The following MFGE8 variants were observed in gnomAD, a reference collection of about 807,000 sequenced individuals.
MFGE8 encodes milk fat globule EGF and factor V/VIII domain containing.
A neutral mutation model predicts 42.6 loss-of-function variants in MFGE8; 34 were observed. The observed-to-expected ratio is 0.80, with a 90% CI of 0.61 to 1.06. MFGE8 has a LOEUF of 1.06. Ranked by LOEUF, MFGE8 falls within the 50% of genes least tolerant of loss-of-function variation. The pLI, the probability that MFGE8 is intolerant of heterozygous loss-of-function variation, is 0.00. For synonymous variants in MFGE8, 230 were observed against 214.8 expected (o/e 1.07, Z -0.62); for missense variants, 510 against 516.9 (o/e 0.99, Z 0.13).
At chr15:88,908,942 A>T (rs1024238696) in intron 2 of MFGE8, among the ~76,000 whole-genome samples, 2 of 151,040 alleles carry the variant, frequency 1.3e-5, no homozygotes, top group Non-Finnish European at 3.0e-5. Context: ...ACCCATCCCC[A>T]CATCTCCCTG....
At chr15:88,908,473 G>T (rs1008595716) in intron 2 of MFGE8, among the ~76,000 whole-genome samples, 2 of 152,170 alleles carry the variant, frequency 1.3e-5, no homozygotes, top group Non-Finnish European at 1.5e-5. Context: ...GTCCTTGTTG[G>T]CTCCAAGGAA....
intron 6 of MFGE8, among the ~76,000 whole-genome samples, chr15:88,900,110 T>C (rs769391573): frequency 1.3e-5 from 2 of 151,934 alleles, no homozygotes; most frequent in Non-Finnish European, 2.9e-5. Flanking sequence ...GGCATGATGG[T>C]GGCTGCCTGT....
chr15:88,906,437 A>C lies in MFGE8; in HGVS notation c.540+189T>G. ...CTAGTCTCATCTCTAAAGTGGGACT[A>C]TTGCTTATAAACCACAGAACATGGA... On this transcript the variant is annotated intron_variant, in intron 4 of 7. Coordinates refer to ENST00000268150, the MANE Select transcript of MFGE8 (RefSeq NM_005928.4). This position sits in a 1 kb window ranked among gnomAD's most constrained non-coding sequence, Gnocchi z 4.2. The C allele has an allele frequency of 1.5e-6, 1 of 664,178 alleles. No homozygotes were observed. The highest frequency in any genetic ancestry group is 2.7e-6 in the Non-Finnish European group (1 of 366,318). The allele number at this position is 664,178 out of a possible 1,614,324, so 41.1% of individuals were successfully genotyped here. A position where few individuals can be genotyped will look rare whatever the true frequency, so the allele number is the denominator to read the frequency against.
Position 88,906,432 on chromosome 15 carries a change from G to T in MFGE8, c.540+194C>A. On this transcript the variant is annotated intron_variant, in intron 4 of 7. Transcript: ENST00000268150. The surrounding 1 kb of genome is among the most constrained non-coding windows in gnomAD (Gnocchi z 4.2). ...TCTCACTAGTCTCATCTCTAAAGTGGGACTATTGCTTATAAACCACAGAAC... is the reference window on the plus strand; with the variant it reads ...TCTCACTAGTCTCATCTCTAAAGTGTGACTATTGCTTATAAACCACAGAAC... The T allele has an allele frequency of 1.5e-6, 1 of 648,492 alleles. No homozygotes were observed. The highest frequency in any genetic ancestry group is 2.8e-6 in the Non-Finnish European group (1 of 356,664). The allele number at this position is 648,492 out of a possible 1,614,324, so 40.2% of individuals were successfully genotyped here. A position where few individuals can be genotyped will look rare whatever the true frequency, so the allele number is the denominator to read the frequency against.
intron 1 of MFGE8, chr15:88,912,928 G>A (rs1207817147): frequency 3.0e-6 from 3 of 985,154 alleles, no homozygotes; most frequent in East Asian, 1.1e-4. Context: ...CAGTTCCCTG[G>A]CCTCATTTTT....
At position 88,898,993 on chromosome 15, in the gene MFGE8, C is replaced by T. The variant is rs1021400996; in HGVS notation, c.*402G>A. On this transcript the variant is annotated 3_prime_UTR_variant, in exon 8 of 8. Transcript: ENST00000268150. ...GCTGTTATCTCCAGCCTGGCGCTTC[C>T]GGGCCTTTCTTGAGGCCACCATGGG... 2.8e-5 allele frequency: 8 copies of T among 288,398 alleles called. No individual in the cohort carries two copies. Among genetic ancestry groups the T allele is most frequent in the Non-Finnish European group, 4.1e-5 (6 of 147,644 alleles). The allele number at this position is 288,398 out of a possible 1,614,324, so 17.9% of individuals were successfully genotyped here. A position where few individuals can be genotyped will look rare whatever the true frequency, so the allele number is the denominator to read the frequency against.
chr15:88,907,434 G>A, intron 2 of MFGE8, 58 bp from the exon 3 acceptor site: 1 of 1,507,106 alleles, frequency 6.6e-7, no homozygotes, highest in Non-Finnish European at 9.2e-7. Context: ...GGGCCCAGCT[G>A]GGACCCAGCG....
rs1377254083 is a variant in MFGE8, at chr15:88,906,597, C to T, written c.540+29G>A. The stretch of plus-strand genomic sequence containing the variant: ...GAACCTTAGGGGGTATGGACCACAG[C>T]CCTTCTTTCGGGCCCCAACAAGACC... On this transcript the variant is annotated intron_variant, in intron 4 of 7. Transcript: ENST00000268150. The surrounding 1 kb of genome is among the most constrained non-coding windows in gnomAD (Gnocchi z 4.2). The T allele has an allele frequency of 1.9e-6, 3 of 1,613,368 alleles. No individual in the cohort carries two copies. Among genetic ancestry groups the T allele is most frequent in the African/African-American group, 2.7e-5 (2 of 74,838 alleles).
chr15:88,912,651 C>T, intron 1 of MFGE8: 2 of 985,330 alleles, frequency 2.0e-6, no homozygotes, highest in Non-Finnish European at 2.4e-6. Context: ...AGTCAGGAGA[C>T]TCCCATCAGC....
At chr15:88,907,710 C>CCA (rs1418990504) in intron 2 of MFGE8, among the ~76,000 whole-genome samples, 1 of 151,066 alleles carries the variant, frequency 6.6e-6, no homozygotes, top group Non-Finnish European at 1.5e-5. Flanking sequence ...GTAGAGTCCC[C>CCA]CCCGCCAGGC....
In MFGE8 at chr15:88,899,128, C is replaced by G. The variant is rs541040031; in HGVS notation, c.*267G>C. The G allele has an allele frequency of 1.0e-4, 55 of 547,048 alleles. No individual in the cohort carries two copies. The highest frequency in any genetic ancestry group is 8.0e-4 in the South Asian group (39 of 48,778). The allele number at this position is 547,048 out of a possible 1,614,324, so 33.9% of individuals were successfully genotyped here. Reference sequence around the variant, plus strand: ...ACGCCCTACTTTGCCCTTTCCTGTCCATCCCAGACCTACTCAGATCCCTCA... The same window carrying G: ...ACGCCCTACTTTGCCCTTTCCTGTCGATCCCAGACCTACTCAGATCCCTCA... On this transcript the variant is annotated 3_prime_UTR_variant, in exon 8 of 8. Transcript: ENST00000268150. This position sits in a 1 kb window ranked among gnomAD's most constrained non-coding sequence, Gnocchi z 6.8.
chr15:88,912,491 C>G (rs933310711), intron 1 of MFGE8: 51 of 985,304 alleles, frequency 5.2e-5, no homozygotes, highest in Non-Finnish European at 6.0e-5. Flanking sequence ...GAGTCCTGGC[C>G]CTGACTCCCT....
chr15:88,901,517 A>AAACCAAAAAAGCGGAAC, intron 6 of MFGE8, 34 bp downstream of exon 6: 1 of 1,072,616 alleles, frequency 9.3e-7, no homozygotes, highest in Non-Finnish European at 1.4e-6. Flanking sequence ...ATCCCACCCA[A>AAACCAAAAAAGCGGAAC]CCCCAGCCCC....
Position 88,906,489 on chromosome 15 carries a change from A to C in MFGE8, c.540+137T>G. 1.0e-6 allele frequency: 1 copy of C among 985,350 alleles called. No homozygotes were observed. Among genetic ancestry groups the C allele is most frequent in the Non-Finnish European group, 1.6e-6 (1 of 618,958 alleles). The allele number at this position is 985,350 out of a possible 1,614,324, so 61.0% of individuals were successfully genotyped here. ...ACAGTCTGGGTTTCCCAATTTCTAG[A>C]AGCCAAGATGCACCCGAAGACCCAC... On this transcript the variant is annotated intron_variant, in intron 4 of 7. Coordinates refer to ENST00000268150, the MANE Select transcript of MFGE8 (RefSeq NM_005928.4). This position sits in a 1 kb window ranked among gnomAD's most constrained non-coding sequence, Gnocchi z 4.2.
chr15:88,912,815 C>G (rs543358387), intron 1 of MFGE8: 1 of 985,330 alleles, frequency 1.0e-6, no homozygotes. Flanking sequence ...GTCCAGCCAA[C>G]TGGAGTTGGC....
chr15:88,912,614 A>T (rs535454160), intron 1 of MFGE8: 2 of 985,332 alleles, frequency 2.0e-6, no homozygotes, highest in Admixed American at 6.1e-5. Flanking sequence ...AAGATACAGC[A>T]GCCGGCCAAG....
In MFGE8 at chr15:88,909,829, C is replaced by T. The variant is rs138080885; in HGVS notation, c.168G>A (p.Thr56=). 1.5e-3 allele frequency: 2,353 copies of T among 1,614,236 alleles called. 7 individuals carry two copies. Among genetic ancestry groups the T allele is most frequent in the Non-Finnish European group, 1.6e-3 (1,884 of 1,180,026 alleles). The change falls in exon 2 of 8, where the codon ACG becomes ACA. Residue 56 remains threonine, a synonymous_variant. Transcript: ENST00000268150. ...RGDVFPSYTC[T]CLKGYAGNHC... ...GGTTGCCCGCGTAGCCCTTAAGGCA[C>T]GTGCAGGTGTACGAGGGGAAGACAT...
Position 88,913,265 on chromosome 15 carries a change from T to G in MFGE8, c.55A>C (p.Ser19Arg). Residue 19 changes from serine (S) to arginine (R), a missense_variant, in exon 1 of 8, where the codon AGC (serine) becomes CGC (arginine). Ser to Arg is a moderately radical substitution (Grantham distance 110). Transcript: ENST00000268150. ...ALCGALLCAPSLLVALDICSK... is the reference protein window; with the variant it reads ...ALCGALLCAPRLLVALDICSK... ...CACTCACCCAGGGCGACGAGGAGGC[T>G]GGGGGCGCAGAGCAGCGCGCCGCAC... is the stretch of plus-strand genomic sequence containing the variant. 1.3e-6 allele frequency: 2 copies of G among 1,505,004 alleles called. No individual in the cohort carries two copies. Among genetic ancestry groups the G allele is most frequent in the Non-Finnish European group, 1.8e-6 (2 of 1,134,848 alleles). The allele number at this position is 1,505,004 out of a possible 1,614,324, so 93.2% of individuals were successfully genotyped here. A position where few individuals can be genotyped will look rare whatever the true frequency, so the allele number is the denominator to read the frequency against.
chr15:88,899,903 GA>G lies in MFGE8; in HGVS notation c.871-93del. 10 of 1,470,366 alleles carry G rather than the reference GA, an allele frequency of 6.8e-6. No individual in the cohort carries two copies. The South Asian group carries it at 1.1e-4, about 16-fold the overall frequency. The allele number at this position is 1,470,366 out of a possible 1,614,324, so 91.1% of individuals were successfully genotyped here. ...ACACTGAGGCATGAATTCTAGTTTT[GA>G]AAAAAACTACTTGGGTGAGCCTCAG... On this transcript the variant is annotated intron_variant, in intron 6 of 7. Coordinates refer to ENST00000268150, the MANE Select transcript of MFGE8 (RefSeq NM_005928.4). This position sits in a 1 kb window ranked among gnomAD's most constrained non-coding sequence, Gnocchi z 6.8.
Sources: gnomAD v4.1 joint callset for allele counts (sites outside exome capture counted in the v4.1 genomes callset) on GRCh38, gnomAD v4.1.1 for gene constraint, Gnocchi (gnomAD v3.1) non-coding constraint, MANE v1.5 for transcripts, NCBI Gene and HGNC (gene_info 2026-07-23, HGNC 2026-07-21) for gene names.